Variants in RAB36 observed in about 807,000 individuals in gnomAD.
RAB36 encodes the protein ras-related protein Rab-36.
A neutral mutation model predicts 39.3 loss-of-function variants in RAB36; 33 were observed. The observed-to-expected ratio is 0.84, with a 90% CI of 0.64 to 1.12. RAB36 has a LOEUF of 1.12. Among genes scored for constraint, RAB36 ranks in the 50% most tolerant of loss-of-function variants. The pLI is 0.00. For synonymous variants in RAB36, 133 were observed against 140.2 expected (o/e 0.95, Z 0.36); for missense variants, 308 against 355.3 (o/e 0.87, Z 1.07).
intron 3 of RAB36, among the ~76,000 whole-genome samples, chr22:23,152,011 G>A (rs779808201): frequency 2.2e-4 from 34 of 152,354 alleles, no homozygotes; most frequent in Non-Finnish European, 8.8e-5. Flanking sequence ...CAGCCCCGGG[G>A]GTGCATAGGA....
intron 6 of RAB36, among the ~76,000 whole-genome samples, chr22:23,157,319 C>T (rs1030148278): frequency 6.6e-5 from 10 of 151,748 alleles, no homozygotes; most frequent in African/African-American, 2.4e-4. Context: ...GGCGCAATCT[C>T]GGCTCACTGC....
In RAB36 at chr22:23,161,632, T is replaced by C. The variant is rs737819; in HGVS notation, c.*68T>C. On this transcript the variant is annotated 3_prime_UTR_variant, in exon 11 of 11. Transcript: ENST00000263116. ...GACAGGAATTTCCGTGACTGTGGTG[T>C]GGAGACTGGAGCCCAAGCTCTGCAG... is the stretch of plus-strand genomic sequence containing the variant. 676,218 of 1,364,976 alleles carry C rather than the reference T, an allele frequency of 0.5. 168,109 individuals are homozygous for C. Among genetic ancestry groups the C allele is most frequent in the East Asian group, 0.63 (26,007 of 41,480 alleles). The allele number at this position is 1,364,976 out of a possible 1,614,324, so 84.6% of individuals were successfully genotyped here. A position where few individuals can be genotyped will look rare whatever the true frequency, so the allele number is the denominator to read the frequency against.
chr22:23,154,760 G>C (rs2071363066), intron 5 of RAB36, among the ~76,000 whole-genome samples: 1 of 152,164 alleles, frequency 6.6e-6, no homozygotes, highest in South Asian at 2.1e-4. Context: ...CTTCAGAAAT[G>C]AAAGAAAATA....
At chr22:23,159,362 C>T in intron 9 of RAB36, 109 bp downstream of exon 9, 2 of 1,096,710 alleles carry the variant, frequency 1.8e-6, no homozygotes, top group South Asian at 1.6e-5. Flanking sequence ...TCTGTTCCCT[C>T]TGTGGCCCTG....
upstream of RAB36, chr22:23,145,354 G>T: frequency 1.2e-6 from 2 of 1,602,480 alleles, no homozygotes; most frequent in East Asian, 2.2e-5. Context: ...CTCCAGGCAG[G>T]TTCTCGTTGC....
rs1209886027 is a variant in RAB36 at position 23,152,530 on chromosome 22, C to T, written c.227+4C>T. 2 of 1,614,010 alleles carry T rather than the reference C, an allele frequency of 1.2e-6. No individual in the cohort carries two copies. The highest frequency in any genetic ancestry group is 1.7e-6 in the Non-Finnish European group (2 of 1,179,874). On this transcript the variant is annotated splice_donor_region_variant and intron_variant, in intron 4 of 10. Transcript: ENST00000263116. ...GGAAGACCAGCCTCATCCACAGGTACAAGGCTTCCTCTGCCCCTTTGGCCA... is the reference window on the plus strand; with the variant it reads ...GGAAGACCAGCCTCATCCACAGGTATAAGGCTTCCTCTGCCCCTTTGGCCA...
chr22:23,146,773 A>T (rs2070802723), intron 2 of RAB36, 88 bp downstream of exon 2: 1 of 1,522,154 alleles, frequency 6.6e-7, no homozygotes, highest in Non-Finnish European at 8.8e-7. Context: ...GAAGTAAAGC[A>T]GGTGAATCAA....
At chr22:23,165,719 G>T (rs1048344302), downstream of RAB36, among the ~76,000 whole-genome samples, 9 of 152,190 alleles carry the variant, frequency 5.9e-5, no homozygotes, top group African/African-American at 2.2e-4. Flanking sequence ...GGGCCACTAG[G>T]ATGACTCTCC....
chr22:23,148,159 C>T (rs1431394416), intron 2 of RAB36, among the ~76,000 whole-genome samples: 1 of 152,010 alleles, frequency 6.6e-6, no homozygotes, highest in African/African-American at 2.4e-5. Context: ...TTCCTCCTTC[C>T]CCCTTCTTTA....
At chr22:23,168,164 G>A (rs934329656), downstream of RAB36, among the ~76,000 whole-genome samples, 9 of 152,214 alleles carry the variant, frequency 5.9e-5, no homozygotes, top group Middle Eastern at 3.4e-3. Context: ...CAGCCCACAC[G>A]GCAGATGCCA....
Position 23,146,836 on chromosome 22 carries a change from G to T in RAB36, c.69+151G>T, listed in dbSNP as rs1221960798. 7.1e-6 allele frequency: 10 copies of T among 1,410,024 alleles called. No homozygotes were observed. In the East Asian group the frequency reaches 2.7e-4, roughly 37 times the overall value. The allele number at this position is 1,410,024 out of a possible 1,614,324, so 87.3% of individuals were successfully genotyped here. A position where few individuals can be genotyped will look rare whatever the true frequency, so the allele number is the denominator to read the frequency against. On this transcript the variant is annotated intron_variant, in intron 2 of 10. Transcript: ENST00000263116. Reference sequence around the variant, plus strand: ...TTGAGGAGCTGGGAGACTGGTCACTGACTGCCCAAGGTGGGACCGCAAGTT... The same window carrying T: ...TTGAGGAGCTGGGAGACTGGTCACTTACTGCCCAAGGTGGGACCGCAAGTT...
intron 1 of RAB36, 63 bp from the exon 2 acceptor site, chr22:23,146,542 A>C (rs1460127729): frequency 6.3e-7 from 1 of 1,580,904 alleles, no homozygotes; most frequent in Non-Finnish European, 8.6e-7. Flanking sequence ...GTGGAAACTC[A>C]TGGGTGAATC....
downstream of RAB36, among the ~76,000 whole-genome samples, chr22:23,167,460 C>A (rs755315549): frequency 6.6e-6 from 1 of 152,158 alleles, no homozygotes; most frequent in Non-Finnish European, 1.5e-5. Flanking sequence ...GCCTGCCTCC[C>A]CCTCCTCCCA....
At chr22:23,152,659 T>C in intron 4 of RAB36, 133 bp downstream of exon 4, 4 of 870,940 alleles carry the variant, frequency 4.6e-6, no homozygotes, top group Non-Finnish European at 7.3e-6. Context: ...CTCAGCCTGC[T>C]GGGAGCCGGA....
At chr22:23,167,125 C>CG (rs1201357097), downstream of RAB36, among the ~76,000 whole-genome samples, 10 of 152,094 alleles carry the variant, frequency 6.6e-5, no homozygotes, top group Non-Finnish European at 1.3e-4. Context: ...CTGCTGCCAA[C>CG]CCCACTTGGA....
chr22:23,163,347 A>T lies in RAB36; in HGVS notation c.*1783A>T, dbSNP rs528564415. ...CGGGTTCATGCCATTCTCCTGCCTC[A>T]GCCTCCCGAGTAGCTGGGACTACAG... On this transcript the variant is annotated 3_prime_UTR_variant, in exon 11 of 11. Transcript: ENST00000263116. 6.5e-6 allele frequency: 1 copy of T among 152,694 alleles called. No homozygotes were observed. The highest frequency in any genetic ancestry group is 2.4e-5 in the African/African-American group (1 of 41,396). The allele number at this position is 152,694 out of a possible 1,614,324, so 9.5% of individuals were successfully genotyped here. A position where few individuals can be genotyped will look rare whatever the true frequency, so the allele number is the denominator to read the frequency against.
intron 1 of RAB36, chr22:23,145,972 G>A (rs1194788048): frequency 1.0e-6 from 1 of 985,312 alleles, no homozygotes; most frequent in African/African-American, 1.7e-5. Context: ...GGGAGCAGGA[G>A]ACCCCTCCCC....
At chr22:23,154,469 A>G (rs991814606) in intron 5 of RAB36, among the ~76,000 whole-genome samples, 8 of 152,258 alleles carry the variant, frequency 5.3e-5, no homozygotes, top group Non-Finnish European at 1.0e-4. Flanking sequence ...CAGGCCAGTC[A>G]AGAGCAAAGG....
chr22:23,156,968 T>C (rs968312863), intron 6 of RAB36, among the ~76,000 whole-genome samples: 5 of 152,192 alleles, frequency 3.3e-5, no homozygotes, highest in Admixed American at 6.5e-5. Flanking sequence ...TGGGTCTCCC[T>C]GTAGCCTTCA....
Sources: gnomAD v4.1 joint callset for allele counts (sites outside exome capture counted in the v4.1 genomes callset) on GRCh38, gnomAD v4.1.1 for gene constraint, MANE v1.5 for transcripts, NCBI Gene and HGNC (gene_info 2026-07-23, HGNC 2026-07-21) for gene names.